The following APC variants were observed in gnomAD, a reference collection of about 807,000 sequenced individuals.
APC encodes the protein APC regulator of Wnt signaling pathway, also known as adenomatous polyposis coli protein.
In APC, 72 loss-of-function variants were observed where a neutral mutation model predicts 247.0. That is an observed-to-expected ratio of 0.29 (90% CI 0.24 to 0.35). The LOEUF (loss-of-function observed/expected upper bound fraction) is 0.35. Among genes scored for constraint, APC ranks in the 10% least tolerant of loss-of-function variants. The pLI is 1.00. For synonymous variants in APC, 1,254 were observed against 1,162.5 expected, an observed-to-expected ratio of 1.08 and a Z score of -1.60; for missense variants, 3,400 against 3,360.7, an observed-to-expected ratio of 1.01 and a Z score of -0.29.
intron 1 of APC, among the ~76,000 whole-genome samples, chr5:112,747,932 C>G (rs777193289): frequency 4.3e-4 from 66 of 152,070 alleles, no homozygotes; most frequent in Admixed American, 1.4e-3. Flanking sequence ...TGCTTTAGAC[C>G]ACCTGTTTTT....
At position 112,845,072 on chromosome 5, in the gene APC, T is replaced by G. The variant is rs1766869903; in HGVS notation, c.*946T>G. On this transcript the variant is annotated 3_prime_UTR_variant, in exon 16 of 16. Transcript: ENST00000257430. The stretch of plus-strand genomic sequence containing the variant: ...GCCTCTTTTAAAAGCTTATATAAAT[T>G]TTTTTCTTCAGCTTCTATGCATTAA... 2 of 232,416 alleles carry G rather than the reference T, an allele frequency of 8.6e-6. No individual in the cohort carries two copies. The highest frequency in any genetic ancestry group is 1.2e-4 in the East Asian group (2 of 16,340). The allele number at this position is 232,416 out of a possible 1,614,324, so 14.4% of individuals were successfully genotyped here.
upstream of APC, among the ~76,000 whole-genome samples, chr5:112,733,069 A>G (rs1056770104): frequency 1.3e-5 from 2 of 152,234 alleles, no homozygotes; most frequent in African/African-American, 4.8e-5. Flanking sequence ...CTTGAACCTA[A>G]GTCTTCAATC....
rs899376835 is a variant in APC at position 112,767,400 on chromosome 5, C to T, written c.422+10C>T. On this transcript the variant is annotated intron_variant, in intron 4 of 15. Transcript: ENST00000257430. ...AACTTGAGAAAGAGAGGTAACTTTT[C>T]TTCATATAGTAAACATTGCCTTGTG... The T allele has an allele frequency of 6.2e-7, 1 of 1,600,512 alleles. No individual in the cohort carries two copies. Among genetic ancestry groups the T allele is most frequent in the African/African-American group, 1.3e-5 (1 of 74,642 alleles).
chr5:112,742,748 C>G (rs971445811), intron 1 of APC, among the ~76,000 whole-genome samples: 2 of 152,168 alleles, frequency 1.3e-5, no homozygotes, highest in African/African-American at 2.4e-5. Flanking sequence ...CTGCTGTATT[C>G]TCTTTATTAG....
At chr5:112,836,165 T>TCCCCCCCCCCCCCCCCCCCCCCCC (rs59050067) in intron 15 of APC, among the ~76,000 whole-genome samples, 9 of 24,478 alleles carry the variant, frequency 3.7e-4, no homozygotes, top group Non-Finnish European at 6.0e-4. Context: ...GGATTACAGG[T>TCCCCCCCCCCCCCCCCCCCCCCCC]CCCCCCCCCC....
At chr5:112,744,612 T>C (rs959898190) in intron 1 of APC, among the ~76,000 whole-genome samples, 1 of 152,114 alleles carries the variant, frequency 6.6e-6, no homozygotes, top group South Asian at 2.1e-4. Flanking sequence ...GAAACTGAGC[T>C]GGGCCTTAAA....
At chr5:112,722,642 C>T (rs948763457) in intron 1 of APC, among the ~76,000 whole-genome samples, 1 of 151,876 alleles carries the variant, frequency 6.6e-6, no homozygotes, top group Non-Finnish European at 1.5e-5. Context: ...TCTTTGGAGT[C>T]GATTAATTTG....
chr5:112,831,350 G>A (rs771632171), intron 14 of APC, among the ~76,000 whole-genome samples: 2 of 152,072 alleles, frequency 1.3e-5, no homozygotes, highest in East Asian at 1.9e-4. Context: ...CTCATGACCC[G>A]CCTGCCTTGG....
At chr5:112,724,456 C>T (rs59774564) in intron 1 of APC, among the ~76,000 whole-genome samples, 164 of 152,190 alleles carry the variant, frequency 1.1e-3, no homozygotes, top group African/African-American at 3.8e-3. Context: ...TTGGACCAGG[C>T]GCAATACTAG....
At chr5:112,720,789 GT>G (rs1256122871) in intron 1 of APC, among the ~76,000 whole-genome samples, 1 of 152,184 alleles carries the variant, frequency 6.6e-6, no homozygotes, top group Admixed American at 6.5e-5. Context: ...TGAATTTAAA[GT>G]GAAACCAGCT....
At chr5:112,765,198 G>A (rs1756142921) in intron 2 of APC, among the ~76,000 whole-genome samples, 1 of 152,096 alleles carries the variant, frequency 6.6e-6, no homozygotes, top group Admixed American at 6.5e-5. Context: ...TCAAACTTCT[G>A]GGCTCAAGTG....
At chr5:112,833,084 C>G (rs1764470067) in intron 14 of APC, among the ~76,000 whole-genome samples, 1 of 151,272 alleles carries the variant, frequency 6.6e-6, no homozygotes, top group Non-Finnish European at 1.5e-5. Context: ...GGGTCTCACT[C>G]TGCCACACAG....
At chr5:112,830,830 T>A (rs1370602858) in intron 14 of APC, among the ~76,000 whole-genome samples, 1 of 152,198 alleles carries the variant, frequency 6.6e-6, no homozygotes, top group Non-Finnish European at 1.5e-5. Context: ...CTTTTGGGGA[T>A]GATATAAATG....
chr5:112,747,275 G>A (rs185554385), intron 1 of APC, among the ~76,000 whole-genome samples: 3 of 152,180 alleles, frequency 2.0e-5, no homozygotes, highest in African/African-American at 7.2e-5. Flanking sequence ...GATTGCAGAG[G>A]CTAAATTATT....
At chr5:112,708,375 G>A (rs1454452313) in intron 1 of APC, among the ~76,000 whole-genome samples, 1 of 152,220 alleles carries the variant, frequency 6.6e-6, no homozygotes, top group African/African-American at 2.4e-5. Context: ...AGGAGCCTTG[G>A]ATGGTTAGGT....
intron 6 of APC, among the ~76,000 whole-genome samples, chr5:112,788,002 A>AC (rs1262093925): frequency 6.6e-6 from 1 of 152,202 alleles, no homozygotes; most frequent in Non-Finnish European, 1.5e-5. Context: ...AGTCATACAT[A>AC]CATATATTTA....
rs2149865790 is a variant in APC, at chr5:112,837,895, G to A, written c.2301G>A (p.Gln767=). 1 of 1,614,040 alleles carries A rather than the reference G, an allele frequency of 6.2e-7. No homozygotes were observed. The highest frequency in any genetic ancestry group is 1.1e-5 in the South Asian group (1 of 91,082). Reference sequence around the variant, plus strand: ...CCCTAGAAGCAGAATTAGATGCTCAGCACTTATCAGAAACTTTTGACAATA... The same window carrying A: ...CCCTAGAAGCAGAATTAGATGCTCAACACTTATCAGAAACTTTTGACAATA... ...QKALEAELDA[Q]HLSETFDNID... The change falls in exon 16 of 16, where the codon CAG becomes CAA. Residue 767 remains glutamine (Q), a synonymous_variant. Coordinates refer to ENST00000257430, the MANE Select transcript of APC (RefSeq NM_000038.6).
upstream of APC, among the ~76,000 whole-genome samples, chr5:112,734,608 A>C (rs1319531097): frequency 6.6e-6 from 1 of 152,220 alleles, no homozygotes; most frequent in East Asian, 1.9e-4. Flanking sequence ...GAGACGATTA[A>C]GTTTATCAGT....
chr5:112,771,883 G>C (rs539282783), intron 4 of APC, among the ~76,000 whole-genome samples: 1 of 152,264 alleles, frequency 6.6e-6, no homozygotes, highest in South Asian at 2.1e-4. Context: ...GGTTAAGCCA[G>C]GACTTAAACC....
Sources: allele counts gnomAD v4.1 joint callset (sites outside exome capture counted in the v4.1 genomes callset), GRCh38; gene constraint gnomAD v4.1.1; transcripts MANE v1.5; gene names NCBI Gene and HGNC (gene_info 2026-07-23, HGNC 2026-07-21).